The following RNF2 variants were observed in gnomAD, a reference collection of about 807,000 sequenced individuals.
RNF2 encodes the protein E3 ubiquitin-protein ligase RING2.
RNF2 carries 6 observed loss-of-function variants against 37.2 expected under a neutral mutation model. The ratio of observed to expected loss-of-function variants is 0.16; its 90% CI spans 0.09 to 0.32. The LOEUF is 0.32. Among genes scored for constraint, RNF2 ranks in the 10% least tolerant of loss-of-function variants. The probability of loss-of-function intolerance (pLI) is 1.00; values close to 1 mark genes in which losing one functional copy is unlikely to be tolerated. For synonymous variants in RNF2, 133 were observed against 132.7 expected (o/e 1.00, Z -0.02); for missense variants, 251 against 404.0 (o/e 0.62, Z 3.25).
intron 3 of RNF2, among the ~76,000 whole-genome samples, chr1:185,092,552 C>A (rs1198239570): frequency 6.6e-6 from 1 of 152,204 alleles, no homozygotes; most frequent in Non-Finnish European, 1.5e-5. Flanking sequence ...GTAGGAAAAT[C>A]TTTGTATTGA....
intron 1 of RNF2, among the ~76,000 whole-genome samples, chr1:185,053,468 G>A (rs933092270): frequency 9.2e-5 from 14 of 152,024 alleles, no homozygotes; most frequent in African/African-American, 3.4e-4. Flanking sequence ...CTTTGTAGCT[G>A]AGATTATAGG....
intron 1 of RNF2, among the ~76,000 whole-genome samples, chr1:185,083,294 T>C (rs532648720): frequency 4.6e-5 from 7 of 152,352 alleles, no homozygotes; most frequent in African/African-American, 1.7e-4. Context: ...TTGTCAGTTT[T>C]CTCAGGTTCT....
In RNF2 at chr1:185,077,625, G is replaced by GGTTTTTT. The variant is rs1553241127; in HGVS notation, c.-2-9927_-2-9926insGTTTTTT. 2.4e-4 allele frequency among the ~76,000 whole-genome samples: 28 copies of GGTTTTTT among 115,676 alleles called. 1 individual carries two copies. The highest frequency in any genetic ancestry group is 9.2e-4 in the African/African-American group (28 of 30,492). The allele number at this position is 115,676 out of a possible 152,430, so 75.9% of individuals were successfully genotyped here. On this transcript the variant is annotated intron_variant, in intron 1 of 6. Transcript: ENST00000367510. ...TTTTTAATTGTTAGGAATTAACTTT[G>GGTTTTTT]TTTTTTTTTTTTTGGCTAGAAATTT...
At chr1:185,066,762 A>G (rs532964898) in intron 1 of RNF2, among the ~76,000 whole-genome samples, 1 of 152,326 alleles carries the variant, frequency 6.6e-6, no homozygotes, top group South Asian at 2.1e-4. Context: ...TTAGACCTTG[A>G]TAGGTGTATC....
At chr1:185,072,747 T>C (rs1651021418) in intron 1 of RNF2, among the ~76,000 whole-genome samples, 1 of 152,094 alleles carries the variant, frequency 6.6e-6, no homozygotes, top group Admixed American at 6.6e-5. Context: ...GAGACCATCC[T>C]GGCTAACACA....
At chr1:185,095,175 G>A (rs1414596468) in intron 4 of RNF2, among the ~76,000 whole-genome samples, 1 of 152,158 alleles carries the variant, frequency 6.6e-6, no homozygotes, top group Non-Finnish European at 1.5e-5. Context: ...CTAAGCGTTG[G>A]AAGGACTTTA....
At chr1:185,068,454 T>G (rs1650865612) in intron 1 of RNF2, among the ~76,000 whole-genome samples, 1 of 152,216 alleles carries the variant, frequency 6.6e-6, no homozygotes, top group Admixed American at 6.5e-5. Flanking sequence ...TGTAACTTTA[T>G]AAGAGAAGGG....
intron 1 of RNF2, among the ~76,000 whole-genome samples, chr1:185,080,704 C>G (rs1651320043): frequency 6.6e-6 from 1 of 152,086 alleles, no homozygotes; most frequent in Admixed American, 6.6e-5. Context: ...CAAATGGTAC[C>G]AGGAAATTCT....
intron 1 of RNF2, among the ~76,000 whole-genome samples, chr1:185,083,663 G>A (rs142025033): frequency 2.0e-4 from 30 of 152,024 alleles, no homozygotes; most frequent in African/African-American, 4.3e-4. Flanking sequence ...TTGGAGACTC[G>A]AGCTCAGTCT....
intron 1 of RNF2, among the ~76,000 whole-genome samples, chr1:185,083,360 A>G (rs899382681): frequency 6.6e-6 from 1 of 152,046 alleles, no homozygotes; most frequent in Non-Finnish European, 1.5e-5. Context: ...TTTCCATTTT[A>G]ATTTTATTTT....
intron 1 of RNF2, among the ~76,000 whole-genome samples, chr1:185,054,845 G>A (rs528319197): frequency 6.6e-6 from 1 of 152,252 alleles, no homozygotes; most frequent in East Asian, 1.9e-4. Context: ...CCACAGGCGG[G>A]CGCCGCCACG....
intron 1 of RNF2, among the ~76,000 whole-genome samples, chr1:185,055,909 C>CT (rs557191305): frequency 9.9e-5 from 15 of 151,594 alleles, no homozygotes; most frequent in South Asian, 6.2e-4. Flanking sequence ...TGCAAAAGTG[C>CT]TTTTTTTTAA....
At chr1:185,054,815 A>G (rs1299389027) in intron 1 of RNF2, among the ~76,000 whole-genome samples, 1 of 152,008 alleles carries the variant, frequency 6.6e-6, no homozygotes, top group African/African-American at 2.4e-5. Context: ...TTGCCACCTC[A>G]GTTTCCTGAG....
In RNF2 at chr1:185,101,944, A is replaced by G. The variant is rs1298812561; in HGVS notation, c.*1643A>G. 1 of 143,546 alleles carries G rather than the reference A, an allele frequency of 7.0e-6. No homozygotes were observed. Among genetic ancestry groups the G allele is most frequent in the Non-Finnish European group, 1.5e-5 (1 of 66,852 alleles). 8.9% of individuals were successfully genotyped at this position (143,546 alleles called of 1,614,324 possible). A position where few individuals can be genotyped will look rare whatever the true frequency, so the allele number is the denominator to read the frequency against. ...TTTTCTGGTGTAATGTTAAAGTTGT[A>G]TAGATTATTAATGCATGCCCACTGA... On this transcript the variant is annotated 3_prime_UTR_variant, in exon 7 of 7. Transcript: ENST00000367510.
intron 1 of RNF2, among the ~76,000 whole-genome samples, chr1:185,063,637 T>G (rs1386882704): frequency 6.6e-6 from 1 of 152,196 alleles, no homozygotes; most frequent in African/African-American, 2.4e-5. Context: ...AAACTTACTA[T>G]TTTACAGTTC....
Position 185,087,647 on chromosome 1 carries a change from A to T in RNF2, c.87+7A>T, listed in dbSNP as rs1260157699. 6.2e-7 allele frequency: 1 copy of T among 1,605,036 alleles called. No individual in the cohort carries two copies. The highest frequency in any genetic ancestry group is 1.7e-5 in the Admixed American group (1 of 59,948). On this transcript the variant is annotated splice_region_variant and intron_variant, in intron 2 of 6. Coordinates refer to ENST00000367510, the MANE Select transcript of RNF2 (RefSeq NM_007212.4). The stretch of plus-strand genomic sequence containing the variant: ...GTTACAACGAACACCTCAGGTAATG[A>T]CTAAGATGACTGCCAAGGGGCATAT...
At chr1:185,067,479 CAT>C (rs895802235) in intron 1 of RNF2, among the ~76,000 whole-genome samples, 17 of 151,918 alleles carry the variant, frequency 1.1e-4, no homozygotes, top group African/African-American at 4.1e-4. Flanking sequence ...TGTAATATAA[CAT>C]AAAAGGAAAA....
At chr1:185,060,250 T>G (rs1650559151) in intron 1 of RNF2, among the ~76,000 whole-genome samples, 1 of 152,234 alleles carries the variant, frequency 6.6e-6, no homozygotes, top group Admixed American at 6.5e-5. Flanking sequence ...TAGTTGTGTT[T>G]CACATATCCC....
intron 4 of RNF2, among the ~76,000 whole-genome samples, chr1:185,096,797 CTTGGT>C (rs1386987435): frequency 7.0e-6 from 1 of 143,646 alleles, no homozygotes; most frequent in Non-Finnish European, 1.5e-5. Context: ...GTCATACTCT[CTTGGT>C]TTTGCAATGA....
Sources: allele counts gnomAD v4.1 joint callset (sites outside exome capture counted in the v4.1 genomes callset), GRCh38; gene constraint gnomAD v4.1.1; transcripts MANE v1.5; gene names NCBI Gene and HGNC (gene_info 2026-07-23, HGNC 2026-07-21).